The following TNXB variants were observed in gnomAD, a reference collection of about 807,000 sequenced individuals.
The protein encoded by TNXB is tenascin XB.
In TNXB, 183 loss-of-function variants were observed where a neutral mutation model predicts 340.5. The observed-to-expected ratio is 0.54, with a 90% CI of 0.48 to 0.61. The LOEUF is 0.61. TNXB is among the 20% of genes least tolerant of loss of function. The pLI, the probability that TNXB is intolerant of heterozygous loss-of-function variation, is 0.00. For synonymous variants in TNXB, 2,121 were observed against 2,314.5 expected (o/e 0.92, Z 2.40); for missense variants, 4,613 against 5,446.4 (o/e 0.85, Z 4.82).
chr6:32,100,598 A>G (rs1278224316), intron 1 of TNXB, among the ~76,000 whole-genome samples: 2 of 151,886 alleles, frequency 1.3e-5, no homozygotes, highest in Non-Finnish European at 2.9e-5. Flanking sequence ...GCGTGGTGGT[A>G]CACCTGTAGT....
chr6:32,053,735 G>T, intron 24 of TNXB, 24 bp from the exon 25 acceptor site: 1 of 1,602,790 alleles, frequency 6.2e-7, no homozygotes. Flanking sequence ...TGTGGGGAGA[G>T]TGAGGTCCCT....
Position 32,072,062 on chromosome 6 carries a change from T to G in TNXB, c.4918A>C (p.Lys1640Gln), listed in dbSNP as rs374991528. The change falls in exon 13 of 44, where the codon AAG (lysine) becomes CAG (glutamine). Residue 1640 changes from lysine (K) to glutamine (Q), a missense_variant. Coordinates refer to ENST00000644971, the MANE Select transcript of TNXB (RefSeq NM_001365276.2). The surrounding 1 kb of genome is among the most constrained non-coding windows in gnomAD (Gnocchi z 4.4). ...VTIPDLEPSR[K>Q]YKFLLFGIQD... ...ATCCCAAAGAGCAGGAACTTGTACT[T>G]GCGGGAGGGTTCCAGGTCAGGGATA... The G allele has an allele frequency of 1.2e-6, 2 of 1,612,634 alleles. No homozygotes were observed. The highest frequency in any genetic ancestry group is 3.3e-5 in the Admixed American group (2 of 60,000).
intron 11 of TNXB, chr6:32,078,705 A>G: frequency 2.9e-6 from 1 of 340,152 alleles, no homozygotes. Flanking sequence ...ATTTATAACA[A>G]TTCTCACAGC....
At position 32,053,421 on chromosome 6, in the gene TNXB, G is replaced by A. The variant is rs773287829; in HGVS notation, c.8758C>T (p.Arg2920Cys). 1.2e-5 allele frequency: 20 copies of A among 1,612,782 alleles called. No homozygotes were observed. The highest frequency in any genetic ancestry group is 9.3e-5 in the African/African-American group (7 of 74,912). The change falls in exon 25 of 44, where the codon CGC becomes TGC. Residue 2920 changes from arginine (R) to cysteine (C), a missense_variant. Arg to Cys is a radical substitution (Grantham distance 180). This residue lies in a region of TNXB where 4,327 missense variants were observed against 4,859.4 expected (regional missense o/e 0.89). Transcript: ENST00000644971. Reference protein sequence around the residue: ...MNLYGFHGGQRVGPISVIGVT... With the variant: ...MNLYGFHGGQCVGPISVIGVT... ...CCAATGACAGAGATGGGGCCCACGC[G>A]CTGGCCACCGTGGAAGCCGTACAGG...
Position 32,095,857 on chromosome 6 carries a change from C to T in TNXB, c.1996G>A (p.Val666Met). ...CRGRGRCVQG[V>M]CLCHVGYGGE... Reference sequence around the variant, plus strand: ...CCATAGCCCACGTGGCACAGGCACACTCCTTGCACACACCGCCCACGTCCC... The same window carrying T: ...CCATAGCCCACGTGGCACAGGCACATTCCTTGCACACACCGCCCACGTCCC... The change falls in exon 3 of 44, where the codon GTG becomes ATG. Residue 666 changes from valine to methionine, a missense_variant. Val to Met is a conservative substitution (Grantham distance 21, BLOSUM62 1). Around this residue, in one of 7 missense-constraint regions of TNXB, gnomAD observed 4,327 missense variants for 4,859.4 expected, o/e 0.89. Coordinates refer to ENST00000644971, the MANE Select transcript of TNXB (RefSeq NM_001365276.2). The T allele has an allele frequency of 6.2e-7, 1 of 1,612,710 alleles. No homozygotes were observed. The highest frequency in any genetic ancestry group is 8.5e-7 in the Non-Finnish European group (1 of 1,179,452).
chr6:32,078,185 G>GTAATA (rs1306546851), intron 11 of TNXB, among the ~76,000 whole-genome samples: 2 of 151,946 alleles, frequency 1.3e-5, no homozygotes, highest in East Asian at 3.9e-4. Context: ...GGTGGCTCAC[G>GTAATA]CCTGTAATAC....
rs1202021841 is a variant in TNXB, at chr6:32,081,751, C to T, written c.3737-78G>A. 4.2e-6 allele frequency: 4 copies of T among 957,262 alleles called. No homozygotes were observed. Among genetic ancestry groups the T allele is most frequent in the South Asian group, 3.4e-5 (2 of 58,454 alleles). 59.3% of individuals were successfully genotyped at this position (957,262 alleles called of 1,614,324 possible). A position where few individuals can be genotyped will look rare whatever the true frequency, so the allele number is the denominator to read the frequency against. ...CTTGGGGTTTCGACGGGATGTCACA[C>T]CTATGGGGGGTGGGGGGTCACTAGT... On this transcript the variant is annotated intron_variant, in intron 9 of 43. Transcript: ENST00000644971. This position sits in a 1 kb window ranked among gnomAD's most constrained non-coding sequence, Gnocchi z 5.1.
At position 32,074,189 on chromosome 6, in the gene TNXB, T is replaced by C. The variant is rs1414849333; in HGVS notation, c.4376-237A>G. Among the ~76,000 whole-genome samples, 1 of 151,808 alleles carries C rather than the reference T, an allele frequency of 6.6e-6. No individual in the cohort carries two copies. Among genetic ancestry groups the C allele is most frequent in the Non-Finnish European group, 1.5e-5 (1 of 67,906 alleles). ...GCGCCACCATGCCTGCCTAATTTTG[T>C]GTGTGTGTGTATTTTTAGTGGAGAC... is the stretch of plus-strand genomic sequence containing the variant. On this transcript the variant is annotated intron_variant, in intron 11 of 43. Coordinates refer to ENST00000644971, the MANE Select transcript of TNXB (RefSeq NM_001365276.2). This position sits in a 1 kb window ranked among gnomAD's most constrained non-coding sequence, Gnocchi z 5.5.
At chr6:32,050,623 G>A (rs1777230861) in intron 26 of TNXB, among the ~76,000 whole-genome samples, 1 of 151,752 alleles carries the variant, frequency 6.6e-6, no homozygotes, top group South Asian at 2.1e-4. Flanking sequence ...CCCTGCACTG[G>A]GGTCTCCTCG....
chr6:32,084,389 C>T lies in TNXB; in HGVS notation c.3445+24G>A, dbSNP rs560794080. 7.0e-5 allele frequency: 110 copies of T among 1,563,806 alleles called. 2 individuals carry two copies. In the South Asian group the frequency reaches 1.3e-3, roughly 18 times the overall value. ...AACCTCTTCAGGGCAGTACAGAGGG[C>T]AGGGTGTTACTGCTGTCACTCACAG... On this transcript the variant is annotated intron_variant, in intron 8 of 43. Transcript: ENST00000644971. The surrounding 1 kb of genome is among the most constrained non-coding windows in gnomAD (Gnocchi z 5.5).
Position 32,042,626 on chromosome 6 carries a change from G to C in TNXB, c.12059-20C>G. ...GCCCACCTGGGAGAGGAGAGCAGGGGCCAGTCCTTTTCCAAGCCTTAGGCC... is the reference window on the plus strand; with the variant it reads ...GCCCACCTGGGAGAGGAGAGCAGGGCCCAGTCCTTTTCCAAGCCTTAGGCC... On this transcript the variant is annotated intron_variant, in intron 39 of 43. Transcript: ENST00000644971. The C allele has an allele frequency of 6.6e-7, 1 of 1,523,486 alleles. No individual in the cohort carries two copies. Among genetic ancestry groups the C allele is most frequent in the Non-Finnish European group, 8.9e-7 (1 of 1,126,844 alleles). The allele number at this position is 1,523,486 out of a possible 1,614,324, so 94.4% of individuals were successfully genotyped here. A position where few individuals can be genotyped will look rare whatever the true frequency, so the allele number is the denominator to read the frequency against.
Position 32,046,353 on chromosome 6 carries a change from A to C in TNXB, c.10428T>G (p.Phe3476Leu). 1 of 1,605,040 alleles carries C rather than the reference A, an allele frequency of 6.2e-7. No individual in the cohort carries two copies. Among genetic ancestry groups the C allele is most frequent in the East Asian group, 2.2e-5 (1 of 44,834 alleles). Residue 3476 changes from phenylalanine to leucine, a missense_variant, in exon 31 of 44, where the codon TTT becomes TTG. Around this residue, in one of 7 missense-constraint regions of TNXB, gnomAD observed 4,327 missense variants for 4,859.4 expected, o/e 0.89. Transcript: ENST00000644971. The surrounding 1 kb of genome is among the most constrained non-coding windows in gnomAD (Gnocchi z 6.9). ...RLSWTVAQGP[F>L]DSFVVQYRDT... ...CCCTGTACTGGACCACGAAGGAGTC[A>C]AAGGGGCCCTGGGCTACCGTCCAGG...
rs983987148 is a variant in TNXB, at chr6:32,090,946, A to G, written c.2359-1567T>C. On this transcript the variant is annotated intron_variant, in intron 4 of 43. Transcript: ENST00000644971. The surrounding 1 kb of genome is among the most constrained non-coding windows in gnomAD (Gnocchi z 4.3). ...CTCCCTGATGATGTCTGGTTCTTTCAGTGAGGCAAGCCTATCCCCAGAGTT... is the reference window on the plus strand; with the variant it reads ...CTCCCTGATGATGTCTGGTTCTTTCGGTGAGGCAAGCCTATCCCCAGAGTT... 3.3e-5 allele frequency among the ~76,000 whole-genome samples: 5 copies of G among 152,066 alleles called. No homozygotes were observed. The highest frequency in any genetic ancestry group is 5.9e-5 in the Non-Finnish European group (4 of 68,024).
Position 32,089,496 on chromosome 6 carries a change from T to G in TNXB, c.2359-117A>C. On this transcript the variant is annotated intron_variant, in intron 4 of 43. Coordinates refer to ENST00000644971, the MANE Select transcript of TNXB (RefSeq NM_001365276.2). The surrounding 1 kb of genome is among the most constrained non-coding windows in gnomAD (Gnocchi z 6.2). The stretch of plus-strand genomic sequence containing the variant: ...GTGTCAGCATGGTACTGTGTGGAAC[T>G]TGACCCTGTACAAGCTGGGGAGCAA... The G allele has an allele frequency of 7.4e-7, 1 of 1,342,640 alleles. No individual in the cohort carries two copies. The highest frequency in any genetic ancestry group is 9.9e-7 in the Non-Finnish European group (1 of 1,006,626). 83.2% of individuals were successfully genotyped at this position (1,342,640 alleles called of 1,614,324 possible).
At position 32,053,383 on chromosome 6, in the gene TNXB, C is replaced by T. The variant is rs1328506037; in HGVS notation, c.8791+5G>A. Reference sequence around the variant, plus strand: ...CCCACTCTGGGGCTCCCATCGTACACTCACCTGTCACCCCAATGACAGAGA... The same window carrying T: ...CCCACTCTGGGGCTCCCATCGTACATTCACCTGTCACCCCAATGACAGAGA... On this transcript the variant is annotated splice_donor_5th_base_variant and intron_variant, in intron 25 of 43. Transcript: ENST00000644971. 6.2e-7 allele frequency: 1 copy of T among 1,611,938 alleles called. No individual in the cohort carries two copies. The highest frequency in any genetic ancestry group is 1.1e-5 in the South Asian group (1 of 90,988).
chr6:32,043,907 G>T lies in TNXB; in HGVS notation c.11387-15C>A. 2 of 1,613,548 alleles carry T rather than the reference G, an allele frequency of 1.2e-6. No individual in the cohort carries two copies. The highest frequency in any genetic ancestry group is 1.7e-6 in the Non-Finnish European group (2 of 1,179,992). On this transcript the variant is annotated splice_polypyrimidine_tract_variant and intron_variant, in intron 34 of 43. Transcript: ENST00000644971. ...CTGAGGCTCCCCTGAAAACATTGGG[G>T]ATCGAGGGTTACCCAGGGAACCCCA...
At position 32,058,357 on chromosome 6, in the gene TNXB, G is replaced by A; in HGVS notation, c.7526C>T (p.Pro2509Leu). The change falls in exon 22 of 44, where the codon CCT becomes CTT. Residue 2509 changes from proline to leucine, a missense_variant. Transcript: ENST00000644971. This position sits in a 1 kb window ranked among gnomAD's most constrained non-coding sequence, Gnocchi z 5.1. ...TGGGGCCTCTGTGCCTGGTTCTGTA[G>A]GGCTGGGGGTCTCGTCCACATCCTC... ...PQEDVDETPS[P>L]TEPGTEAPGP... The A allele has an allele frequency of 6.2e-7, 1 of 1,609,886 alleles. No individual in the cohort carries two copies. The highest frequency in any genetic ancestry group is 8.5e-7 in the Non-Finnish European group (1 of 1,178,562).
In TNXB at chr6:32,072,375, G is replaced by C. The variant is rs1778831179; in HGVS notation, c.4682-77C>G. The C allele has an allele frequency of 8.1e-7, 1 of 1,241,796 alleles. No homozygotes were observed. The highest frequency in any genetic ancestry group is 1.1e-6 in the Non-Finnish European group (1 of 915,366). 76.9% of individuals were successfully genotyped at this position (1,241,796 alleles called of 1,614,324 possible). On this transcript the variant is annotated intron_variant, in intron 12 of 43. Transcript: ENST00000644971. This position sits in a 1 kb window ranked among gnomAD's most constrained non-coding sequence, Gnocchi z 4.4. ...CCTGGGCTTTGAGGGCCTCAGGGGG[G>C]CTGTGAACTGAGATGGGGAATAGTT...
In TNXB at chr6:32,070,135, C is replaced by A. The variant is rs1778672821; in HGVS notation, c.5270G>T (p.Gly1757Val). The change falls in exon 14 of 44, where the codon GGC (glycine) becomes GTC (valine). Residue 1757 changes from glycine (G) to valine (V), a missense_variant. Transcript: ENST00000644971. This position sits in a 1 kb window ranked among gnomAD's most constrained non-coding sequence, Gnocchi z 6.0. ...KKRHGPLTAD[G>V]TTEARSAMDD... is the part of the protein sequence containing the mutation. ...CAGGGAATGCCCCTCACCCGTGGTG[C>A]CGTCGGCAGTGAGAGGGCCATGGCG... 6.4e-7 allele frequency: 1 copy of A among 1,569,868 alleles called. No homozygotes were observed. The highest frequency in any genetic ancestry group is 1.3e-5 in the African/African-American group (1 of 74,212).
Sources: gnomAD v4.1 joint callset for allele counts (sites outside exome capture counted in the v4.1 genomes callset) on GRCh38, gnomAD v4.1.1 for gene constraint, gnomAD v4.1.1 regional missense constraint, Gnocchi (gnomAD v3.1) non-coding constraint, MANE v1.5 for transcripts, NCBI Gene and HGNC (gene_info 2026-07-23, HGNC 2026-07-21) for gene names.